CSAG1: variants seen among roughly 807,000 people sequenced by gnomAD.
CSAG1 encodes the protein chondrosarcoma-associated gene 1 protein.
Under a neutral mutation model 4.8 loss-of-function variants are expected in CSAG1, and 4 were observed. That is an observed-to-expected ratio of 0.83 (90% CI 0.41 to 1.90). The LOEUF is 1.90. CSAG1 is among the 40% of genes most tolerant of loss of function. The pLI is 0.03. For missense variants in CSAG1, 69 were observed against 59.5 expected, an observed-to-expected ratio of 1.16 and a Z score of -0.53; for synonymous variants, 21 against 23.1, an observed-to-expected ratio of 0.91 and a Z score of 0.26.
chrX:152,731,772 G>A (rs1556228183), intron 2 of CSAG1, among the ~76,000 whole-genome samples: 4 of 110,656 alleles, frequency 3.6e-5, no homozygotes, highest in Non-Finnish European at 7.6e-5. Flanking sequence ...ACAAAATGGA[G>A]GAGAAAAAAT....
intron 2 of CSAG1, among the ~76,000 whole-genome samples, chrX:152,730,913 C>A (rs1932142989): frequency 8.9e-6 from 1 of 112,471 alleles, no homozygotes; most frequent in Admixed American, 9.4e-5. Flanking sequence ...TTGGGTACTT[C>A]ATCAAAGAAA....
intron 2 of CSAG1, among the ~76,000 whole-genome samples, chrX:152,732,110 C>T (rs782428624): frequency 8.0e-5 from 9 of 112,194 alleles, no homozygotes; most frequent in Non-Finnish European, 1.5e-4. Context: ...AAGGAAAAGG[C>T]ATGTGGAATA....
chrX:152,732,615 T>TAA, intron 1 of CSAG1, 111 bp from the exon 2 acceptor site: 1 of 943,227 alleles, frequency 1.1e-6, no homozygotes, highest in Non-Finnish European at 1.5e-6. Context: ...GTTGAGCTGG[T>TAA]ACTTGTGTGT....
intron 2 of CSAG1, among the ~76,000 whole-genome samples, chrX:152,731,067 A>G (rs1374545442): frequency 8.9e-6 from 1 of 112,414 alleles, no homozygotes; most frequent in African/African-American, 3.2e-5. Context: ...TGCATGTTAA[A>G]TTGTTTAGAG....
In CSAG1 at chrX:152,731,621, C is replaced by T. The variant is rs1171637012; in HGVS notation, c.16+824G>A. 2.7e-5 allele frequency among the ~76,000 whole-genome samples: 3 copies of T among 111,508 alleles called. No individual in the cohort carries two copies. In the East Asian group the frequency reaches 8.4e-4, roughly 31 times the overall value. ...CCCTCCCCGATGGAAAAAGAACACA[C>T]CAAGTAAGCTCCCTTACCTAGCAGT... On this transcript the variant is annotated intron_variant, in intron 2 of 3. Transcript: ENST00000452779.
rs1349335579 is a variant in CSAG1 at position 152,727,730 on chromosome X, G to A, written c.*64C>T. 1.9e-5 allele frequency: 22 copies of A among 1,159,770 alleles called. No individual in the cohort carries two copies. The African/African-American group carries it at 3.6e-4, about 19-fold the overall frequency. ...TTTTGATTGAGTTCCTCGTTCGGCT[G>A]GTCAGAGTGGCTGGATAGTGTTGGC... On this transcript the variant is annotated 3_prime_UTR_variant, in exon 4 of 4. Transcript: ENST00000452779.
chrX:152,730,897 T>C (rs1932142545), intron 2 of CSAG1, among the ~76,000 whole-genome samples: 1 of 112,693 alleles, frequency 8.9e-6, no homozygotes, highest in African/African-American at 3.2e-5. Context: ...GGGAAAGTTA[T>C]CATATTTGGG....
chrX:152,730,834 A>G (rs2124966913), intron 2 of CSAG1, among the ~76,000 whole-genome samples: 1 of 112,568 alleles, frequency 8.9e-6, no homozygotes, highest in East Asian at 2.8e-4. Context: ...TTACACACAC[A>G]GAAACCTAGC....
intron 2 of CSAG1, 157 bp from the exon 3 acceptor site, chrX:152,728,381 T>C: frequency 1.8e-6 from 1 of 554,946 alleles, no homozygotes; most frequent in Non-Finnish European, 3.1e-6. Context: ...TAAATGTTGA[T>C]CACATCTACA....
rs781833717 is a variant in CSAG1 at position 152,732,343 on chromosome X, T to G, written c.16+102A>C. On this transcript the variant is annotated intron_variant, in intron 2 of 3. Coordinates refer to ENST00000452779, the MANE Select transcript of CSAG1 (RefSeq NM_001102576.3). ...GTATACTGACATATTCAGGAAAAAATAGCTTGACATACATAGAGGAGTATA... is the reference window on the plus strand; with the variant it reads ...GTATACTGACATATTCAGGAAAAAAGAGCTTGACATACATAGAGGAGTATA... The G allele has an allele frequency of 7.5e-5, 77 of 1,031,578 alleles. No homozygotes were observed. The South Asian group carries it at 1.3e-3, about 17-fold the overall frequency. The allele number at this position is 1,031,578 out of a possible 1,213,427, so 85.0% of individuals were successfully genotyped here.
Position 152,733,306 on chromosome X carries a change from T to G in CSAG1, c.-45+362A>C, listed in dbSNP as rs782038772. On this transcript the variant is annotated intron_variant, in intron 1 of 3. Coordinates refer to ENST00000452779, the MANE Select transcript of CSAG1 (RefSeq NM_001102576.3). The stretch of plus-strand genomic sequence containing the variant: ...AATCACTTCATCCAACAGCCAGGAG[T>G]GAGGAAGAGGACCCTCTTGAGTGAG... The G allele has an allele frequency of 2.7e-5, 3 of 112,013 alleles. No individual in the cohort carries two copies. In the East Asian group the frequency reaches 8.5e-4, roughly 32 times the overall value. The allele number at this position is 112,013 out of a possible 1,213,427, so 9.2% of individuals were successfully genotyped here.
chrX:152,732,998 G>C (rs111946653), intron 1 of CSAG1: 1,335 of 114,346 alleles, frequency 0.012, 28 homozygotes, highest in African/African-American at 0.041. Flanking sequence ...TTAGTTCGTA[G>C]AAATAAATAT....
intron 2 of CSAG1, among the ~76,000 whole-genome samples, chrX:152,728,665 TC>T (rs1932079309): frequency 2.7e-5 from 3 of 112,370 alleles, no homozygotes; most frequent in Admixed American, 1.9e-4. Context: ...CAGAAATTTA[TC>T]TTTTTTCACA....
In CSAG1 at chrX:152,732,453, G is replaced by A. The variant is rs1556227912; in HGVS notation, c.8C>T (p.Ala3Val). 2.5e-6 allele frequency: 3 copies of A among 1,206,356 alleles called. No homozygotes were observed. Among genetic ancestry groups the A allele is most frequent in the East Asian group, 3.0e-5 (1 of 33,717 alleles). The change falls in exon 2 of 4, where the codon GCG becomes GTG. Residue 3 changes from alanine (A) to valine (V), a missense_variant. By Grantham distance (64) the Ala-to-Val change is moderately conservative. Coordinates refer to ENST00000452779, the MANE Select transcript of CSAG1 (RefSeq NM_001102576.3). Reference protein sequence around the residue: MSATTACWPAFTV... With the variant: MSVTTACWPAFTV... ...ACAATTTAGTGCCTTACCTGTAGTC[G>A]CCGACATTACAAGCAAATTTGGGCT...
chrX:152,728,709 T>C (rs1949347397), intron 2 of CSAG1, among the ~76,000 whole-genome samples: 1 of 112,008 alleles, frequency 8.9e-6, no homozygotes, highest in African/African-American at 3.2e-5. Context: ...GATCAAGGAC[T>C]GGCGGGGTTG....
intron 2 of CSAG1, among the ~76,000 whole-genome samples, chrX:152,730,019 C>CACAT (rs1180724034): frequency 2.4e-5 from 1 of 41,654 alleles, no homozygotes; most frequent in Non-Finnish European, 5.6e-5. Context: ...TACACACATA[C>CACAT]ACACACACAC....
intron 1 of CSAG1, among the ~76,000 whole-genome samples, chrX:152,732,860 A>G (rs1932190963): frequency 8.9e-6 from 1 of 112,023 alleles, no homozygotes; most frequent in Non-Finnish European, 1.9e-5. Context: ...TTCTGCTAAT[A>G]ACAACCTGAA....
intron 2 of CSAG1, 127 bp from the exon 3 acceptor site, chrX:152,728,351 T>C: frequency 1.5e-6 from 1 of 664,570 alleles, no homozygotes; most frequent in African/African-American, 2.1e-5. Context: ...TAAATTGCTT[T>C]ACTTAAAGTC....
chrX:152,727,697 A>C lies in CSAG1; in HGVS notation c.*97T>G. The stretch of plus-strand genomic sequence containing the variant: ...GTCTCCTTGCCCTTGTGGTCCTGCT[A>C]TGGCGCATTTTGATTGAGTTCCTCG... On this transcript the variant is annotated 3_prime_UTR_variant, in exon 4 of 4. Coordinates refer to ENST00000452779, the MANE Select transcript of CSAG1 (RefSeq NM_001102576.3). 5 of 1,045,871 alleles carry C rather than the reference A, an allele frequency of 4.8e-6. No individual in the cohort carries two copies. Among genetic ancestry groups the C allele is most frequent in the African/African-American group, 1.8e-5 (1 of 54,057 alleles). The allele number at this position is 1,045,871 out of a possible 1,213,427, so 86.2% of individuals were successfully genotyped here.
Sources: allele counts gnomAD v4.1 joint callset (sites outside exome capture counted in the v4.1 genomes callset), GRCh38; gene constraint gnomAD v4.1.1; transcripts MANE v1.5; gene names NCBI Gene and HGNC (gene_info 2026-07-23, HGNC 2026-07-21).